RBFOX1: variants seen among roughly 807,000 people sequenced by gnomAD.
RBFOX1 encodes RNA binding protein fox-1 homolog 1.
RBFOX1 carries 8 observed loss-of-function variants against 57.7 expected under a neutral mutation model. That is an observed-to-expected ratio of 0.14 (90% CI 0.08 to 0.25). The LOEUF (loss-of-function observed/expected upper bound fraction) is 0.25. Among genes scored for constraint, RBFOX1 ranks in the 10% least tolerant of loss-of-function variants. The pLI is 1.00. For synonymous variants in RBFOX1, 326 were observed against 222.4 expected (o/e 1.47, Z -4.15); for missense variants, 611 against 548.5 (o/e 1.11, Z -1.14).
intron 3 of RBFOX1, among the ~76,000 whole-genome samples, chr16:5,615,826 A>G (rs10220976): frequency 0.068 from 10,332 of 152,202 alleles, 1,180 homozygotes; most frequent in African/African-American, 0.24. Flanking sequence ...AGTGTTAGCA[A>G]TGGGGTCTTC....
chr16:7,158,509 G>T (rs1440277738), intron 4 of RBFOX1, among the ~76,000 whole-genome samples: 1 of 152,042 alleles, frequency 6.6e-6, no homozygotes, highest in African/African-American at 2.4e-5. Context: ...CCTGTGGGAT[G>T]TATGTTTGTC....
intron 7 of RBFOX1, among the ~76,000 whole-genome samples, chr16:7,588,502 C>T (rs897249840): frequency 1.3e-5 from 2 of 152,178 alleles, no homozygotes; most frequent in African/African-American, 4.8e-5. Flanking sequence ...AAAGTGAATG[C>T]TTTCAATAGC....
intron 3 of RBFOX1, among the ~76,000 whole-genome samples, chr16:5,840,731 C>G (rs967531994): frequency 6.6e-6 from 1 of 152,168 alleles, no homozygotes; most frequent in African/African-American, 2.4e-5. Context: ...AGCCTTCTCA[C>G]AGCACACTGG....
chr16:5,326,807 C>T lies in RBFOX1; in HGVS notation c.219+86702C>T, dbSNP rs181640964. ...CAGAAAGCCTTCTGCCTGCTAGGCA[C>T]TATCTGCTAATTCCATTTTAATATC... On this transcript the variant is annotated intron_variant, in intron 1 of 2. Transcript: ENST00000585867. Among the ~76,000 whole-genome samples the T allele has an allele frequency of 3.3e-5, 5 of 152,340 alleles. No homozygotes were observed. The East Asian group carries it at 9.7e-4, about 29-fold the overall frequency.
In RBFOX1 at chr16:7,149,568, C is replaced by A. The variant is rs192843963; in HGVS notation, c.27+97470C>A. 6.7e-4 allele frequency among the ~76,000 whole-genome samples: 101 copies of A among 150,574 alleles called. 1 individual carries two copies. The highest frequency in any genetic ancestry group is 2.3e-3 in the African/African-American group (94 of 40,940). ...TGGTGCAATCTCAGCTCAGTGCAAC[C>A]TCCTCCTCCCAGGCTCAAAAGATCC... On this transcript the variant is annotated intron_variant, in intron 4 of 15. Coordinates refer to ENST00000550418, the MANE Select transcript of RBFOX1 (RefSeq NM_018723.4).
chr16:6,599,224 A>G (rs1459439346), intron 2 of RBFOX1, among the ~76,000 whole-genome samples: 1 of 152,178 alleles, frequency 6.6e-6, no homozygotes, highest in East Asian at 1.9e-4. Flanking sequence ...ATTATCCAGA[A>G]CATGGGTATT....
At chr16:7,106,890 G>C (rs985068037) in intron 4 of RBFOX1, among the ~76,000 whole-genome samples, 7 of 152,004 alleles carry the variant, frequency 4.6e-5, no homozygotes, top group East Asian at 1.9e-4. Flanking sequence ...TCATGCACCA[G>C]ACACTATTCT....
intron 14 of RBFOX1, among the ~76,000 whole-genome samples, chr16:7,696,586 G>A (rs1568517227): frequency 6.6e-6 from 1 of 150,696 alleles, no homozygotes; most frequent in Non-Finnish European, 1.5e-5. Flanking sequence ...GTGGGTGTCA[G>A]GAACTGTTCT....
At chr16:7,515,478 T>TACACACACACAC (rs144695101) in intron 4 of RBFOX1, among the ~76,000 whole-genome samples, 1 of 146,716 alleles carries the variant, frequency 6.8e-6, no homozygotes, top group Non-Finnish European at 1.5e-5. Flanking sequence ...CACACACACA[T>TACACACACACAC]ACACACACAC....
At chr16:6,583,363 C>A (rs1188027135) in intron 2 of RBFOX1, among the ~76,000 whole-genome samples, 2 of 152,280 alleles carry the variant, frequency 1.3e-5, no homozygotes, top group Admixed American at 1.3e-4. Context: ...AATGGGCCTG[C>A]TGATGCCAAA....
intron 4 of RBFOX1, among the ~76,000 whole-genome samples, chr16:7,231,141 C>A (rs939091038): frequency 1.3e-5 from 2 of 152,222 alleles, no homozygotes; most frequent in South Asian, 2.1e-4. Context: ...GGTTTTGTCT[C>A]CATGGTAGAC....
chr16:6,142,909 G>C (rs1349038718), intron 1 of RBFOX1, among the ~76,000 whole-genome samples: 1 of 152,104 alleles, frequency 6.6e-6, no homozygotes, highest in East Asian at 1.9e-4. Flanking sequence ...TGACTGCAAG[G>C]AGCTCTTCCC....
chr16:7,040,450 T>C (rs2045801042), intron 3 of RBFOX1, among the ~76,000 whole-genome samples: 1 of 152,214 alleles, frequency 6.6e-6, no homozygotes, highest in Non-Finnish European at 1.5e-5. Flanking sequence ...AATTATATTA[T>C]TATTGCTGCT....
chr16:7,653,381 C>T (rs1311078339), intron 11 of RBFOX1, among the ~76,000 whole-genome samples: 1 of 152,106 alleles, frequency 6.6e-6, no homozygotes, highest in African/African-American at 2.4e-5. Context: ...ACACTTCTAT[C>T]TATGGTCCCA....
At chr16:6,697,719 A>G (rs933990594) in intron 3 of RBFOX1, among the ~76,000 whole-genome samples, 6 of 152,174 alleles carry the variant, frequency 3.9e-5, no homozygotes, top group Admixed American at 2.6e-4. Context: ...TCCTTCCCCA[A>G]AGAAACAGGC....
At chr16:5,288,622 C>G (rs1019513671) in intron 1 of RBFOX1, among the ~76,000 whole-genome samples, 1 of 40,138 alleles carries the variant, frequency 2.5e-5, no homozygotes, top group Admixed American at 4.7e-4. Context: ...ATCTTGTTTC[C>G]TTTCCTTTTC....
At chr16:6,094,934 C>T (rs1323245891) in intron 1 of RBFOX1, among the ~76,000 whole-genome samples, 1 of 152,142 alleles carries the variant, frequency 6.6e-6, no homozygotes, top group Non-Finnish European at 1.5e-5. Flanking sequence ...GTGGTGCATG[C>T]CTGTAGTCCC....
intron 4 of RBFOX1, among the ~76,000 whole-genome samples, chr16:7,356,877 T>G (rs1033653728): frequency 2.6e-5 from 4 of 152,162 alleles, no homozygotes; most frequent in African/African-American, 9.6e-5. Flanking sequence ...GGGTCACAGC[T>G]TATAACCAAA....
At chr16:6,487,144 C>CTGTGTGTGTG (rs60180975) in intron 2 of RBFOX1, among the ~76,000 whole-genome samples, 2,824 of 140,184 alleles carry the variant, frequency 0.02, 40 homozygotes, top group African/African-American at 0.033. Context: ...TGTGGGGTTT[C>CTGTGTGTGTG]TGTGTGTGTG....
Sources: gnomAD v4.1 joint callset for allele counts (sites outside exome capture counted in the v4.1 genomes callset) on GRCh38, gnomAD v4.1.1 for gene constraint, MANE v1.5 for transcripts, NCBI Gene and HGNC (gene_info 2026-07-23, HGNC 2026-07-21) for gene names.